TENM4: variants seen among roughly 807,000 people sequenced by gnomAD.
TENM4 encodes teneurin transmembrane protein 4.
TENM4 carries 82 observed loss-of-function variants against 243.3 expected under a neutral mutation model. That is an observed-to-expected ratio of 0.34 (90% CI 0.28 to 0.40). The LOEUF (loss-of-function observed/expected upper bound fraction) is 0.40. Among genes scored for constraint, TENM4 ranks in the 10% least tolerant of loss-of-function variants. TENM4 has a pLI of 1.00. For synonymous variants in TENM4, 1,412 were observed against 1,456.3 expected, an observed-to-expected ratio of 0.97 and a Z score of 0.69; for missense variants, 3,138 against 3,673.3, an observed-to-expected ratio of 0.85 and a Z score of 3.77.
chr11:78,783,321 A>G (rs976600200), intron 16 of TENM4, among the ~76,000 whole-genome samples: 3 of 152,218 alleles, frequency 2.0e-5, no homozygotes, highest in Non-Finnish European at 2.9e-5. Flanking sequence ...ACAGATCCAA[A>G]TCAATCCATC....
intron 15 of TENM4, among the ~76,000 whole-genome samples, chr11:78,787,554 C>G (rs944509360): frequency 6.6e-6 from 1 of 152,136 alleles, no homozygotes; most frequent in Non-Finnish European, 1.5e-5. Flanking sequence ...TGGCTGGGCA[C>G]GTGATGAGTT....
intron 6 of TENM4, among the ~76,000 whole-genome samples, chr11:78,974,778 C>T (rs1441007902): frequency 6.7e-6 from 1 of 149,686 alleles, no homozygotes; most frequent in East Asian, 2.0e-4. Flanking sequence ...ACGTGAGCGC[C>T]TGGGCTCAAG....
chr11:79,292,668 A>G (rs994506617), intron 2 of TENM4, among the ~76,000 whole-genome samples: 2 of 152,236 alleles, frequency 1.3e-5, no homozygotes, highest in Non-Finnish European at 2.9e-5. Flanking sequence ...GGAGGCCAGT[A>G]TATCTGGGTG....
At chr11:78,673,788 C>A (rs958428460) in intron 30 of TENM4, among the ~76,000 whole-genome samples, 2 of 152,230 alleles carry the variant, frequency 1.3e-5, no homozygotes, top group African/African-American at 4.8e-5. Context: ...TGTGTTTCCT[C>A]CTTCTCCCAC....
At chr11:78,755,942 T>C (rs1216100386) in intron 19 of TENM4, among the ~76,000 whole-genome samples, 2 of 152,168 alleles carry the variant, frequency 1.3e-5, no homozygotes, top group Non-Finnish European at 2.9e-5. Context: ...CACCACTACG[T>C]TGGAAGACAT....
chr11:79,356,615 G>A (rs1857500795), intron 1 of TENM4, among the ~76,000 whole-genome samples: 1 of 152,114 alleles, frequency 6.6e-6, no homozygotes. Flanking sequence ...TATCTATCTA[G>A]TGGGGTCATT....
intron 4 of TENM4, among the ~76,000 whole-genome samples, chr11:79,105,362 G>A (rs1861340564): frequency 6.6e-6 from 1 of 152,162 alleles, no homozygotes; most frequent in Non-Finnish European, 1.5e-5. Flanking sequence ...TGGAAACACA[G>A]GAACAAAGGA....
chr11:79,430,203 A>G (rs28670883), intron 1 of TENM4, among the ~76,000 whole-genome samples: 1 of 126,854 alleles, frequency 7.9e-6, no homozygotes, highest in African/African-American at 3.2e-5. Flanking sequence ...AAAAAAAAAG[A>G]AAAAAGAAAA....
chr11:79,307,409 C>G (rs1856644440), intron 1 of TENM4, among the ~76,000 whole-genome samples: 1 of 152,196 alleles, frequency 6.6e-6, no homozygotes, highest in Non-Finnish European at 1.5e-5. Flanking sequence ...TGACACCGCT[C>G]TCTCCTGCAC....
intron 6 of TENM4, among the ~76,000 whole-genome samples, chr11:78,932,957 G>A (rs1011814919): frequency 6.6e-6 from 1 of 152,142 alleles, no homozygotes; most frequent in African/African-American, 2.4e-5. Flanking sequence ...CCCAGGGTTG[G>A]GGACTCTTGC....
At chr11:78,903,632 T>C (rs954932199) in intron 6 of TENM4, 109 bp from the exon 7 acceptor site, 6 of 1,483,822 alleles carry the variant, frequency 4.0e-6, no homozygotes, top group Non-Finnish European at 5.4e-6. Context: ...GCCGGCAGAT[T>C]ATACATATTG....
intron 15 of TENM4, among the ~76,000 whole-genome samples, chr11:78,801,670 T>C (rs1434692538): frequency 6.6e-6 from 1 of 152,148 alleles, no homozygotes; most frequent in Non-Finnish European, 1.5e-5. Flanking sequence ...AAGACACTCA[T>C]CTCAGGGAAT....
chr11:79,424,705 C>A (rs554724193), intron 1 of TENM4, among the ~76,000 whole-genome samples: 1 of 151,744 alleles, frequency 6.6e-6, no homozygotes, highest in Non-Finnish European at 1.5e-5. Context: ...GAGGCCGAGG[C>A]GGGCGGATCA....
intron 7 of TENM4, among the ~76,000 whole-genome samples, chr11:78,901,111 C>T (rs916771541): frequency 4.6e-5 from 7 of 151,998 alleles, no homozygotes; most frequent in Non-Finnish European, 7.4e-5. Flanking sequence ...GAAAGGGCCT[C>T]GCATTGGGGG....
At chr11:79,084,532 T>TA (rs1834988872) in intron 4 of TENM4, among the ~76,000 whole-genome samples, 2 of 152,156 alleles carry the variant, frequency 1.3e-5, no homozygotes, top group Admixed American at 1.3e-4. Context: ...GACTCCGTGA[T>TA]AAAAAACAAT....
chr11:79,371,717 G>A (rs1238350195), intron 1 of TENM4, among the ~76,000 whole-genome samples: 1 of 152,154 alleles, frequency 6.6e-6, no homozygotes, highest in Non-Finnish European at 1.5e-5. Flanking sequence ...AATTCACAAA[G>A]GAAATAAGAT....
chr11:79,260,039 T>C (rs1037698073), intron 2 of TENM4, among the ~76,000 whole-genome samples: 1 of 152,160 alleles, frequency 6.6e-6, no homozygotes, highest in Non-Finnish European at 1.5e-5. Flanking sequence ...TGGAGAGAAG[T>C]GGCTTTTTAT....
intron 15 of TENM4, among the ~76,000 whole-genome samples, chr11:78,787,403 C>T (rs539947108): frequency 6.6e-6 from 1 of 152,212 alleles, no homozygotes; most frequent in African/African-American, 2.4e-5. Context: ...GCCAACCTGT[C>T]CCTGCCTTTG....
chr11:79,381,809 G>A (rs1298748957), intron 1 of TENM4, among the ~76,000 whole-genome samples: 1 of 151,946 alleles, frequency 6.6e-6, no homozygotes, highest in Non-Finnish European at 1.5e-5. Flanking sequence ...GAGAGGTTAG[G>A]TGATTTCCCT....
Sources: allele counts gnomAD v4.1 joint callset (sites outside exome capture counted in the v4.1 genomes callset), GRCh38; gene constraint gnomAD v4.1.1; transcripts MANE v1.5; gene names NCBI Gene and HGNC (gene_info 2026-07-23, HGNC 2026-07-21).